Variants in FLACC1 observed in about 807,000 individuals in gnomAD.
FLACC1 encodes flagellum-associated coiled-coil domain-containing protein 1.
In FLACC1, 66 loss-of-function variants were observed where a neutral mutation model predicts 62.8. The ratio of observed to expected loss-of-function variants is 1.05; its 90% CI spans 0.86 to 1.29. FLACC1 has a LOEUF of 1.29. Ranked by LOEUF, FLACC1 falls within the 50% of genes most tolerant of loss-of-function variation. The pLI, the probability that FLACC1 is intolerant of heterozygous loss-of-function variation, is 0.00. For synonymous variants in FLACC1, 156 were observed against 161.0 expected, an observed-to-expected ratio of 0.97 and a Z score of 0.24; for missense variants, 452 against 489.1, an observed-to-expected ratio of 0.92 and a Z score of 0.71.
chr2:201,289,323 C>A, intron 14 of FLACC1, 134 bp downstream of exon 14: 1 of 750,284 alleles, frequency 1.3e-6, no homozygotes, highest in Non-Finnish European at 2.2e-6. Context: ...GAGTGACATA[C>A]CTCCCTCCCG....
At chr2:201,335,714 T>C (rs1367148609) in intron 7 of FLACC1, among the ~76,000 whole-genome samples, 1 of 152,168 alleles carries the variant, frequency 6.6e-6, no homozygotes, top group Non-Finnish European at 1.5e-5. Context: ...GTGAAGAACA[T>C]TTTTGGTATT....
chr2:201,342,547 C>CTGTGCCCCATG, intron 6 of FLACC1, 116 bp from the exon 7 acceptor site: 3 of 976,334 alleles, frequency 3.1e-6, no homozygotes, highest in Non-Finnish European at 4.8e-6. Flanking sequence ...ATTCATGGGG[C>CTGTGCCCCATG]ACAGCCCCCT....
intron 11 of FLACC1, among the ~76,000 whole-genome samples, chr2:201,303,678 C>T (rs970559541): frequency 1.3e-5 from 2 of 152,182 alleles, no homozygotes; most frequent in African/African-American, 2.4e-5. Flanking sequence ...CAAAAATCCT[C>T]AATAAAATAC....
rs1291782977 is a variant in FLACC1 at position 201,346,107 on chromosome 2, G to A, written c.368+435C>T. 6.6e-6 allele frequency among the ~76,000 whole-genome samples: 1 copy of A among 152,162 alleles called. No homozygotes were observed. Among genetic ancestry groups the A allele is most frequent in the African/African-American group, 2.4e-5 (1 of 41,428 alleles). ...TTAAACCTGGGAGGCAGAAGTTGCAGTGAGCTGAGATCGTGCCACTAAACT... is the reference window on the plus strand; with the variant it reads ...TTAAACCTGGGAGGCAGAAGTTGCAATGAGCTGAGATCGTGCCACTAAACT... On this transcript the variant is annotated intron_variant, in intron 5 of 14. Coordinates refer to ENST00000392257, the MANE Select transcript of FLACC1 (RefSeq NM_001127391.3). This position sits in a 1 kb window ranked among gnomAD's most constrained non-coding sequence, Gnocchi z 4.0.
upstream of FLACC1, among the ~76,000 whole-genome samples, chr2:201,361,197 G>C (rs1951183603): frequency 6.6e-6 from 1 of 152,128 alleles, no homozygotes; most frequent in South Asian, 2.1e-4. Flanking sequence ...CCACATTCAG[G>C]TCTCAGGGAA....
At chr2:201,358,872 T>C (rs535078366), upstream of FLACC1, among the ~76,000 whole-genome samples, 21 of 152,280 alleles carry the variant, frequency 1.4e-4, no homozygotes, top group South Asian at 3.1e-3. Context: ...ATGACTCATA[T>C]TGAGACTTGC....
At chr2:201,299,386 G>T in intron 11 of FLACC1, 86 bp from the exon 12 acceptor site, 1 of 1,059,218 alleles carries the variant, frequency 9.4e-7, no homozygotes, top group South Asian at 1.4e-5. Flanking sequence ...TAGGATTCAG[G>T]AATATAATAT....
At chr2:201,331,116 G>A (rs1042777162) in intron 7 of FLACC1, among the ~76,000 whole-genome samples, 1 of 151,850 alleles carries the variant, frequency 6.6e-6, no homozygotes, top group Non-Finnish European at 1.5e-5. Flanking sequence ...ACACAGGCAT[G>A]TGCCACCATG....
chr2:201,321,652 T>C (rs1950405772), intron 9 of FLACC1, among the ~76,000 whole-genome samples: 1 of 152,150 alleles, frequency 6.6e-6, no homozygotes, highest in African/African-American at 2.4e-5. Flanking sequence ...ACGTTCACAA[T>C]TTTTCTCTAT....
upstream of FLACC1, among the ~76,000 whole-genome samples, chr2:201,360,703 A>G (rs1167463323): frequency 6.6e-6 from 1 of 152,230 alleles, no homozygotes; most frequent in Admixed American, 6.5e-5. Context: ...ACCTAGAAAG[A>G]GGGGCCACTG....
At chr2:201,330,440 T>C (rs776004762) in intron 9 of FLACC1, 30 bp downstream of exon 9, 6 of 1,601,398 alleles carry the variant, frequency 3.7e-6, no homozygotes, top group Non-Finnish European at 5.1e-6. Flanking sequence ...TTCCTTCTCT[T>C]GTAATCCAAC....
upstream of FLACC1, among the ~76,000 whole-genome samples, chr2:201,360,674 C>T (rs1027208354): frequency 6.6e-6 from 1 of 152,224 alleles, no homozygotes; most frequent in Non-Finnish European, 1.5e-5. Flanking sequence ...CCCGTGAAAG[C>T]CTGTAGTGCT....
chr2:201,357,586 T>A (rs967653929), upstream of FLACC1, among the ~76,000 whole-genome samples: 48 of 152,312 alleles, frequency 3.2e-4, 1 homozygote, highest in African/African-American at 1.1e-3. Flanking sequence ...TTAAGATATA[T>A]CTTCAGAGGA....
At chr2:201,329,112 T>C (rs1197244436) in intron 9 of FLACC1, among the ~76,000 whole-genome samples, 2 of 152,168 alleles carry the variant, frequency 1.3e-5, no homozygotes, top group African/African-American at 2.4e-5. Context: ...TTTCCAATCA[T>C]GTAAATATTT....
At chr2:201,297,861 C>T (rs1353569722) in intron 12 of FLACC1, among the ~76,000 whole-genome samples, 2 of 152,094 alleles carry the variant, frequency 1.3e-5, no homozygotes, top group African/African-American at 4.8e-5. Flanking sequence ...GCCCTTAAAT[C>T]GGGCACCTTC....
At chr2:201,299,657 T>A (rs1177864811) in intron 11 of FLACC1, among the ~76,000 whole-genome samples, 1 of 152,234 alleles carries the variant, frequency 6.6e-6, no homozygotes, top group Non-Finnish European at 1.5e-5. Flanking sequence ...AAGCTAATTC[T>A]AAATTGACAA....
At chr2:201,303,032 A>G (rs1235774849) in intron 11 of FLACC1, among the ~76,000 whole-genome samples, 2 of 150,592 alleles carry the variant, frequency 1.3e-5, no homozygotes, top group Non-Finnish European at 3.0e-5. Flanking sequence ...TAGACAAGCA[A>G]GGGCAAACAC....
chr2:201,330,858 CA>C (rs1342682659), intron 7 of FLACC1, 25 bp from the exon 8 acceptor site: 1 of 1,595,708 alleles, frequency 6.3e-7, no homozygotes, highest in Non-Finnish European at 8.6e-7. Context: ...GAGAAGGCCA[CA>C]ATCATTAGTA....
At chr2:201,302,174 T>C (rs1414543049) in intron 11 of FLACC1, among the ~76,000 whole-genome samples, 1 of 152,178 alleles carries the variant, frequency 6.6e-6, no homozygotes, top group African/African-American at 2.4e-5. Flanking sequence ...GTGTGCTGTA[T>C]GCAGGAGACC....
Sources: allele counts gnomAD v4.1 joint callset (sites outside exome capture counted in the v4.1 genomes callset), GRCh38; gene constraint gnomAD v4.1.1; non-coding constraint Gnocchi (gnomAD v3.1); transcripts MANE v1.5; gene names NCBI Gene and HGNC (gene_info 2026-07-23, HGNC 2026-07-21).